RAB38: variants seen among roughly 807,000 people sequenced by gnomAD.
RAB38 encodes the protein RAB38, member RAS oncogene family, also known as ras-related protein Rab-38.
In RAB38, 15 loss-of-function variants were observed where a neutral mutation model predicts 18.4. The observed-to-expected ratio is 0.82, with a 90% CI of 0.55 to 1.26. The LOEUF is 1.26. Ranked by LOEUF, RAB38 falls within the 50% of genes most tolerant of loss-of-function variation. The probability of loss-of-function intolerance (pLI) is 0.00; values close to 1 mark genes in which losing one functional copy is unlikely to be tolerated. For missense variants in RAB38, 294 were observed against 267.4 expected, an observed-to-expected ratio of 1.10 and a Z score of -0.69; for synonymous variants, 101 against 104.4, an observed-to-expected ratio of 0.97 and a Z score of 0.20.
chr11:87,919,565 T>C, the RAB38 span, among the ~76,000 whole-genome samples: 2 of 152,008 alleles, frequency 1.3e-5, no homozygotes, highest in African/African-American at 4.8e-5. Context: ...AATTTTTTTT[T>C]TCCTTGTGGT....
the RAB38 span, among the ~76,000 whole-genome samples, chr11:88,029,492 A>G: frequency 6.6e-5 from 10 of 152,160 alleles, no homozygotes; most frequent in Admixed American, 1.3e-4. Context: ...CCCATCTCAC[A>G]TGCAGAGACA....
chr11:87,853,403 C>T, the RAB38 span, among the ~76,000 whole-genome samples: 2 of 152,114 alleles, frequency 1.3e-5, no homozygotes, highest in African/African-American at 4.8e-5. Flanking sequence ...CATGGGAGAA[C>T]ACAGTGAGAA....
At chr11:87,889,138 G>T in the RAB38 span, among the ~76,000 whole-genome samples, 1 of 150,894 alleles carries the variant, frequency 6.6e-6, no homozygotes, top group African/African-American at 2.4e-5. Context: ...CCAAATGGAA[G>T]AACTCCTTGA....
At chr11:87,920,071 G>C in the RAB38 span, among the ~76,000 whole-genome samples, 2 of 151,512 alleles carry the variant, frequency 1.3e-5, no homozygotes, top group Non-Finnish European at 2.9e-5. Flanking sequence ...TGTCAATTTT[G>C]CTTGTCTTTT....
chr11:87,884,886 T>C, the RAB38 span, among the ~76,000 whole-genome samples: 1 of 151,944 alleles, frequency 6.6e-6, no homozygotes, highest in Non-Finnish European at 1.5e-5. Flanking sequence ...ATGATTCCAA[T>C]GTTGATTATC....
In RAB38 at chr11:88,129,644, AAAAC is replaced by A. The variant is rs373805516; in HGVS notation, c.484-15508_484-15505del. ...GGGCGACAAAGTGAGACTCCATCTC[AAAAC>A]AAACAAACAAACAAACAAACAAACT... On this transcript the variant is annotated intron_variant, in intron 2 of 2. Transcript: ENST00000243662. Among the ~76,000 whole-genome samples, 1,284 of 152,126 alleles carry A rather than the reference AAAAC, an allele frequency of 8.4e-3. 9 individuals carry two copies. The highest frequency in any genetic ancestry group is 0.013 in the Non-Finnish European group (911 of 67,952).
the RAB38 span, among the ~76,000 whole-genome samples, chr11:87,945,661 A>C: frequency 6.6e-6 from 1 of 152,202 alleles, no homozygotes; most frequent in South Asian, 2.1e-4. Flanking sequence ...TCAGAGCTTA[A>C]AATGCCTTGG....
At chr11:87,888,087 T>G in the RAB38 span, among the ~76,000 whole-genome samples, 17 of 152,006 alleles carry the variant, frequency 1.1e-4, no homozygotes, top group African/African-American at 3.9e-4. Context: ...TCTTACTATG[T>G]ACCAAAGGAA....
At chr11:88,040,080 T>C in the RAB38 span, among the ~76,000 whole-genome samples, 1 of 152,212 alleles carries the variant, frequency 6.6e-6, no homozygotes, top group Non-Finnish European at 1.5e-5. Context: ...CTTAGACAAT[T>C]GCTAGGTATT....
chr11:88,030,435 C>T, the RAB38 span, among the ~76,000 whole-genome samples: 1 of 152,060 alleles, frequency 6.6e-6, no homozygotes, highest in African/African-American at 2.4e-5. Context: ...TTATTGAATC[C>T]AGAAGCTGGT....
chr11:87,965,012 T>C, the RAB38 span, among the ~76,000 whole-genome samples: 1 of 152,176 alleles, frequency 6.6e-6, no homozygotes, highest in Non-Finnish European at 1.5e-5. Flanking sequence ...TGTTAACATA[T>C]TCAGCCAGAT....
At chr11:88,040,417 T>C in the RAB38 span, among the ~76,000 whole-genome samples, 1 of 152,144 alleles carries the variant, frequency 6.6e-6, no homozygotes. Flanking sequence ...TTACCCCCTT[T>C]AAACAGCTTA....
At chr11:87,835,176 A>G in the RAB38 span, among the ~76,000 whole-genome samples, 1 of 152,204 alleles carries the variant, frequency 6.6e-6, no homozygotes, top group African/African-American at 2.4e-5. Context: ...ATCCTAGAAA[A>G]GCTGGGGAAC....
At chr11:87,817,269 G>T in the RAB38 span, 1 of 152,034 alleles carries the variant, frequency 6.6e-6, no homozygotes, top group Non-Finnish European at 1.5e-5. Context: ...AAAGACTCCT[G>T]AAGGATTTAA....
At chr11:87,937,310 T>TTATATATA in the RAB38 span, among the ~76,000 whole-genome samples, 1 of 55,552 alleles carries the variant, frequency 1.8e-5, no homozygotes, top group African/African-American at 8.1e-5. Context: ...TACTTGGTCA[T>TTATATATA]CATATATATA....
the RAB38 span, among the ~76,000 whole-genome samples, chr11:87,844,980 T>C: frequency 6.6e-6 from 1 of 152,192 alleles, no homozygotes; most frequent in Non-Finnish European, 1.5e-5. Context: ...CCTGTATATA[T>C]CTCAACATAA....
At chr11:87,968,767 G>A in the RAB38 span, among the ~76,000 whole-genome samples, 2 of 152,088 alleles carry the variant, frequency 1.3e-5, no homozygotes, top group African/African-American at 4.8e-5. Context: ...GTAACAAAGA[G>A]TTGATATTTT....
chr11:87,882,363 G>C, the RAB38 span, among the ~76,000 whole-genome samples: 3 of 151,772 alleles, frequency 2.0e-5, no homozygotes, highest in African/African-American at 7.3e-5. Context: ...CCCCTAAAGG[G>C]CTTTAAAGAA....
chr11:88,114,668 T>C (rs549469227), intron 2 of RAB38, among the ~76,000 whole-genome samples: 6 of 152,340 alleles, frequency 3.9e-5, no homozygotes, highest in Non-Finnish European at 7.3e-5. Context: ...ATGTGACTTG[T>C]TGGGCGTCAA....
Sources: allele counts gnomAD v4.1 joint callset (sites outside exome capture counted in the v4.1 genomes callset), GRCh38; gene constraint gnomAD v4.1.1; transcripts MANE v1.5; gene names NCBI Gene and HGNC (gene_info 2026-07-23, HGNC 2026-07-21).